Variants in PRELID2 observed in about 807,000 individuals in gnomAD.
PRELID2 encodes the protein PRELI domain containing 2.
In PRELID2, 25 loss-of-function variants were observed where a neutral mutation model predicts 28.4. The observed-to-expected ratio is 0.88, with a 90% CI of 0.64 to 1.23. The LOEUF (loss-of-function observed/expected upper bound fraction) is 1.23, where lower values mean the gene tolerates loss of function less well. Ranked by LOEUF, PRELID2 falls within the 50% of genes most tolerant of loss-of-function variation. The probability of loss-of-function intolerance (pLI) is 0.00; values close to 1 mark genes in which losing one functional copy is unlikely to be tolerated. For synonymous variants in PRELID2, 76 were observed against 71.6 expected (o/e 1.06, Z -0.31); for missense variants, 201 against 214.4 (o/e 0.94, Z 0.39).
In PRELID2 at chr5:145,835,169, G is replaced by A. The variant is rs1343391491; in HGVS notation, c.75+8C>T. 5 of 1,544,196 alleles carry A rather than the reference G, an allele frequency of 3.2e-6. No individual in the cohort carries two copies. The highest frequency in any genetic ancestry group is 2.5e-5 in the East Asian group (1 of 40,762). On this transcript the variant is annotated splice_region_variant and intron_variant, in intron 1 of 6. Transcript: ENST00000683046. ...CGCGGGATACGGAAGGTGGAAGCGG[G>A]GCGGTACCTTTCGGAGAAAGCTGGC...
chr5:145,273,089 C>T, the PRELID2 span, among the ~76,000 whole-genome samples: 1 of 152,172 alleles, frequency 6.6e-6, no homozygotes, highest in African/African-American at 2.4e-5. Context: ...CTACATTATC[C>T]TAAAGGGCAA....
the PRELID2 span, among the ~76,000 whole-genome samples, chr5:145,291,773 C>A: frequency 6.6e-6 from 1 of 152,100 alleles, no homozygotes; most frequent in Non-Finnish European, 1.5e-5. Flanking sequence ...ACACTTAGAT[C>A]TATGATCTAT....
At chr5:145,396,400 T>C in the PRELID2 span, among the ~76,000 whole-genome samples, 2 of 152,042 alleles carry the variant, frequency 1.3e-5, no homozygotes, top group East Asian at 3.9e-4. Flanking sequence ...GGATGAACTC[T>C]TAGCTTTCAG....
chr5:145,660,788 G>T lies in PRELID2; in HGVS notation n.70+104143C>A, dbSNP rs557829127. Among the ~76,000 whole-genome samples the T allele has an allele frequency of 9.4e-4, 143 of 152,178 alleles. 2 individuals carry two copies. The highest frequency in any genetic ancestry group is 1.7e-3 in the Non-Finnish European group (115 of 67,976). On this transcript the variant is annotated intron_variant and non_coding_transcript_variant, in intron 1 of 2. Coordinates refer to the PRELID2 transcript ENST00000510259. Reference sequence around the variant, plus strand: ...GTGTCAAAAGCACTATACGAAAGAAGATATCAAAAATGCATCTGAAGAGTT... The same window carrying T: ...GTGTCAAAAGCACTATACGAAAGAATATATCAAAAATGCATCTGAAGAGTT...
At chr5:145,711,239 T>C (rs1561553252) in intron 1 of PRELID2, among the ~76,000 whole-genome samples, 1 of 152,184 alleles carries the variant, frequency 6.6e-6, no homozygotes, top group East Asian at 1.9e-4. Flanking sequence ...TAGAAGAGTG[T>C]TGTTGCCATT....
At chr5:145,542,624 T>C (rs1245397792) in intron 1 of PRELID2, among the ~76,000 whole-genome samples, 1 of 152,178 alleles carries the variant, frequency 6.6e-6, no homozygotes, top group African/African-American at 2.4e-5. Context: ...TAAGCCTCTA[T>C]ACTGGAAAGC....
At chr5:145,730,486 T>C (rs1201951435) in intron 1 of PRELID2, among the ~76,000 whole-genome samples, 2 of 152,188 alleles carry the variant, frequency 1.3e-5, no homozygotes, top group African/African-American at 4.8e-5. Context: ...TCATTTGTAA[T>C]TTTGCTGAGG....
chr5:145,766,380 G>A (rs1757762366), intron 5 of PRELID2, among the ~76,000 whole-genome samples: 1 of 152,198 alleles, frequency 6.6e-6, no homozygotes, highest in African/African-American at 2.4e-5. Context: ...AGGCAGGGCT[G>A]TGAACACCAC....
At chr5:145,789,347 A>G (rs950042007) in intron 5 of PRELID2, among the ~76,000 whole-genome samples, 2 of 152,188 alleles carry the variant, frequency 1.3e-5, no homozygotes, top group African/African-American at 2.4e-5. Context: ...GAACCTGCGC[A>G]TTTACAGTCA....
chr5:145,357,272 A>C, the PRELID2 span, among the ~76,000 whole-genome samples: 1 of 152,070 alleles, frequency 6.6e-6, no homozygotes, highest in African/African-American at 2.4e-5. Context: ...CCTGGATTTG[A>C]GGGTTGTCCT....
chr5:145,410,318 A>C, the PRELID2 span, among the ~76,000 whole-genome samples: 1 of 152,250 alleles, frequency 6.6e-6, no homozygotes. Flanking sequence ...AATGGGACTT[A>C]ATTAAACTAT....
chr5:145,283,630 T>A, the PRELID2 span, among the ~76,000 whole-genome samples: 1 of 152,206 alleles, frequency 6.6e-6, no homozygotes, highest in South Asian at 2.1e-4. Flanking sequence ...AAGTCTGATT[T>A]AGCAAAACTT....
the PRELID2 span, among the ~76,000 whole-genome samples, chr5:145,387,080 T>A: frequency 6.6e-6 from 1 of 152,214 alleles, no homozygotes; most frequent in African/African-American, 2.4e-5. Context: ...AATAAATCAA[T>A]AGATATTTAC....
the PRELID2 span, among the ~76,000 whole-genome samples, chr5:145,400,677 G>A: frequency 1.3e-5 from 2 of 152,068 alleles, no homozygotes; most frequent in Non-Finnish European, 2.9e-5. Context: ...TTATCCACCA[G>A]TCTGTGGGAA....
intron 1 of PRELID2, among the ~76,000 whole-genome samples, chr5:145,572,433 T>G (rs946024948): frequency 6.6e-6 from 1 of 152,218 alleles, no homozygotes; most frequent in South Asian, 2.1e-4. Flanking sequence ...ATATCTCATA[T>G]AATCCTAACT....
At chr5:145,832,620 A>G (rs1755673075) in intron 1 of PRELID2, among the ~76,000 whole-genome samples, 1 of 152,162 alleles carries the variant, frequency 6.6e-6, no homozygotes, top group Non-Finnish European at 1.5e-5. Context: ...CCTACCTGCT[A>G]GCTGTGGGAA....
the PRELID2 span, among the ~76,000 whole-genome samples, chr5:145,342,795 G>A: frequency 6.8e-6 from 1 of 147,662 alleles, no homozygotes; most frequent in East Asian, 2.0e-4. Flanking sequence ...GATACATATA[G>A]ACTGAAAGTA....
the PRELID2 span, among the ~76,000 whole-genome samples, chr5:145,372,828 T>C: frequency 3.1e-3 from 454 of 146,528 alleles, 3 homozygotes; most frequent in Non-Finnish European, 4.8e-3. Flanking sequence ...ATTGGGGCAT[T>C]CAGCTCATTT....
At chr5:145,631,972 A>G (rs62392261) in intron 1 of PRELID2, among the ~76,000 whole-genome samples, 19,849 of 152,162 alleles carry the variant, frequency 0.13, 1,834 homozygotes, top group African/African-American at 0.23. Flanking sequence ...TCTGGCTCTA[A>G]ATATTTTCTG....
Sources: gnomAD v4.1 joint callset for allele counts (sites outside exome capture counted in the v4.1 genomes callset) on GRCh38, gnomAD v4.1.1 for gene constraint, MANE v1.5 for transcripts, NCBI Gene and HGNC (gene_info 2026-07-23, HGNC 2026-07-21) for gene names.